NALF1: variants seen among roughly 807,000 people sequenced by gnomAD.
The protein encoded by NALF1 is NALCN channel auxiliary factor 1.
A neutral mutation model predicts 48.4 loss-of-function variants in NALF1; 3 were observed. That is an observed-to-expected ratio of 0.06 (90% CI 0.03 to 0.16). NALF1 has a LOEUF of 0.16. NALF1 is among the 10% of genes least tolerant of loss of function. The probability of loss-of-function intolerance (pLI) is 1.00; values close to 1 mark genes in which losing one functional copy is unlikely to be tolerated. For synonymous variants in NALF1, 262 were observed against 245.7 expected, an observed-to-expected ratio of 1.07 and a Z score of -0.62; for missense variants, 526 against 571.5, an observed-to-expected ratio of 0.92 and a Z score of 0.81.
chr13:107,266,663 T>C (rs1881045075), intron 1 of NALF1, among the ~76,000 whole-genome samples: 1 of 152,154 alleles, frequency 6.6e-6, no homozygotes, highest in Non-Finnish European at 1.5e-5. Context: ...TACAGTGTTA[T>C]GGGAAAAGCA....
At chr13:107,262,769 G>GCTCTCGCTCTCTCTCTCTCTCTCT in intron 1 of NALF1, among the ~76,000 whole-genome samples, 1 of 144,120 alleles carries the variant, frequency 6.9e-6, no homozygotes, top group East Asian at 2.1e-4. Context: ...ACCCACAGGC[G>GCTCTCGCTCTCTCTCTCTCTCTCT]CTCTCTCTCT....
intron 1 of NALF1, among the ~76,000 whole-genome samples, chr13:107,613,001 AG>A (rs1566415128): frequency 2.7e-4 from 28 of 103,178 alleles, no homozygotes; most frequent in South Asian, 6.8e-4. Flanking sequence ...TCCCACAATG[AG>A]AAAAAAAAAA....
At chr13:107,689,292 T>C (rs997324186) in intron 1 of NALF1, among the ~76,000 whole-genome samples, 1 of 152,182 alleles carries the variant, frequency 6.6e-6, no homozygotes, top group African/African-American at 2.4e-5. Flanking sequence ...TTCTCGTCTC[T>C]TTTCTCTTTT....
At chr13:107,477,340 T>C (rs1482903056) in intron 1 of NALF1, among the ~76,000 whole-genome samples, 1 of 152,144 alleles carries the variant, frequency 6.6e-6, no homozygotes, top group Non-Finnish European at 1.5e-5. Flanking sequence ...AAATTGCTCT[T>C]TTATAGAACA....
chr13:107,628,176 T>C (rs150553673), intron 1 of NALF1, among the ~76,000 whole-genome samples: 200 of 152,160 alleles, frequency 1.3e-3, no homozygotes, highest in African/African-American at 4.4e-3. Context: ...CAGATGCCCT[T>C]GTAATGGACA....
chr13:107,201,567 A>G (rs1879521296), intron 2 of NALF1, among the ~76,000 whole-genome samples: 1 of 152,168 alleles, frequency 6.6e-6, no homozygotes, highest in Non-Finnish European at 1.5e-5. Flanking sequence ...ACAGAGCGAA[A>G]TTCTGTCTCA....
chr13:107,730,873 G>C (rs903104907), intron 1 of NALF1, among the ~76,000 whole-genome samples: 1 of 152,178 alleles, frequency 6.6e-6, no homozygotes, highest in South Asian at 2.1e-4. Context: ...TCCCTGGCTT[G>C]AGTCTGTATC....
intron 1 of NALF1, among the ~76,000 whole-genome samples, chr13:107,503,551 A>C (rs1463066762): frequency 6.6e-6 from 1 of 152,186 alleles, no homozygotes; most frequent in African/African-American, 2.4e-5. Flanking sequence ...AGGTTCCTAA[A>C]GAAATAAAAC....
At chr13:107,807,825 C>T (rs917675560) in intron 1 of NALF1, among the ~76,000 whole-genome samples, 3 of 152,042 alleles carry the variant, frequency 2.0e-5, no homozygotes, top group Admixed American at 2.0e-4. Context: ...GATATATACC[C>T]CATGGGGAAC....
rs150160104 is a variant in NALF1, at chr13:107,466,669, A to T, written c.916-255914T>A. ...AAATCTTCAGATTTTTAGTTGTTTC[A>T]TCCATTCAACTTCAGGCAGAAGCAG... is the stretch of plus-strand genomic sequence containing the variant. On this transcript the variant is annotated intron_variant, in intron 1 of 2. Transcript: ENST00000375915. 3 of 152,330 alleles carry T rather than the reference A, an allele frequency of 2.0e-5. No individual in the cohort carries two copies. The East Asian group carries it at 5.8e-4, about 29-fold the overall frequency. The allele number at this position is 152,330 out of a possible 1,614,324, so 9.4% of individuals were successfully genotyped here. A position where few individuals can be genotyped will look rare whatever the true frequency, so the allele number is the denominator to read the frequency against.
intron 1 of NALF1, among the ~76,000 whole-genome samples, chr13:107,826,022 GC>G (rs1879505838): frequency 6.6e-6 from 1 of 152,156 alleles, no homozygotes; most frequent in Admixed American, 6.5e-5. Flanking sequence ...CTCGTGACCT[GC>G]CCACCTCTGC....
rs374085253 is a variant in NALF1, at chr13:107,634,408, C to T, written c.915+231274G>A. Among the ~76,000 whole-genome samples, 84 of 152,150 alleles carry T rather than the reference C, an allele frequency of 5.5e-4. 2 individuals carry two copies. In the South Asian group the frequency reaches 0.017, roughly 31 times the overall value. Reference sequence around the variant, plus strand: ...TAACAAAATTGCACTTGTACTCCATCAATTTATTAAAAAATAAAAGGCAAA... The same window carrying T: ...TAACAAAATTGCACTTGTACTCCATTAATTTATTAAAAAATAAAAGGCAAA... On this transcript the variant is annotated intron_variant, in intron 1 of 2. Coordinates refer to ENST00000375915, the MANE Select transcript of NALF1 (RefSeq NM_001080396.3).
chr13:107,579,487 G>A lies in NALF1; in HGVS notation c.915+286195C>T, dbSNP rs116650428. Among the ~76,000 whole-genome samples the A allele has an allele frequency of 7.7e-3, 1,180 of 152,292 alleles. 21 individuals carry two copies. The highest frequency in any genetic ancestry group is 0.028 in the African/African-American group (1,144 of 41,560). Reference sequence around the variant, plus strand: ...CACTGGAGACAGAGCAAAGAGAAAAGCAAAGTCTCTGTTGTGAGAATCCAG... The same window carrying A: ...CACTGGAGACAGAGCAAAGAGAAAAACAAAGTCTCTGTTGTGAGAATCCAG... On this transcript the variant is annotated intron_variant, in intron 1 of 2. Coordinates refer to ENST00000375915, the MANE Select transcript of NALF1 (RefSeq NM_001080396.3).
chr13:107,443,725 AGTATGTAATAG>A (rs1391122156), intron 1 of NALF1, among the ~76,000 whole-genome samples: 4 of 152,196 alleles, frequency 2.6e-5, no homozygotes, highest in Non-Finnish European at 5.9e-5. Flanking sequence ...AAACCATGAC[AGTATGTAATAG>A]GTACTGAGTG....
At chr13:107,334,009 T>G (rs182026411) in intron 1 of NALF1, among the ~76,000 whole-genome samples, 131 of 152,348 alleles carry the variant, frequency 8.6e-4, no homozygotes, top group Non-Finnish European at 1.6e-3. Context: ...TGTTCATTCA[T>G]GCCACTGTTT....
intron 1 of NALF1, among the ~76,000 whole-genome samples, chr13:107,498,760 T>G (rs1875419740): frequency 6.6e-6 from 1 of 152,138 alleles, no homozygotes; most frequent in Non-Finnish European, 1.5e-5. Flanking sequence ...TGACAATGAG[T>G]TCAATGTTCT....
chr13:107,214,749 G>C (rs1017650434), intron 1 of NALF1, among the ~76,000 whole-genome samples: 2 of 152,176 alleles, frequency 1.3e-5, no homozygotes, highest in Admixed American at 6.5e-5. Flanking sequence ...TCTGCAAGAG[G>C]AGCAGACTAC....
chr13:107,770,385 T>G (rs949194518), intron 1 of NALF1, among the ~76,000 whole-genome samples: 1 of 152,172 alleles, frequency 6.6e-6, no homozygotes, highest in Non-Finnish European at 1.5e-5. Context: ...TCAACTCTTT[T>G]GCATGCCTAA....
chr13:107,302,869 C>T (rs2138894578), intron 1 of NALF1, among the ~76,000 whole-genome samples: 1 of 152,268 alleles, frequency 6.6e-6, no homozygotes, highest in African/African-American at 2.4e-5. Context: ...CACAGACACA[C>T]ACAGACACAC....
Sources: allele counts gnomAD v4.1 joint callset (sites outside exome capture counted in the v4.1 genomes callset), GRCh38; gene constraint gnomAD v4.1.1; transcripts MANE v1.5; gene names NCBI Gene and HGNC (gene_info 2026-07-23, HGNC 2026-07-21).